The following SLC24A2 variants were observed in gnomAD, a reference collection of about 807,000 sequenced individuals.
SLC24A2 encodes solute carrier family 24 member 2, also known as sodium/potassium/calcium exchanger 2.
Under a neutral mutation model 62.0 loss-of-function variants are expected in SLC24A2, and 36 were observed. The ratio of observed to expected loss-of-function variants is 0.58; its 90% CI spans 0.44 to 0.77. The LOEUF (loss-of-function observed/expected upper bound fraction) is 0.77. Ranked by LOEUF, SLC24A2 falls within the 30% of genes least tolerant of loss-of-function variation. The pLI, the probability that SLC24A2 is intolerant of heterozygous loss-of-function variation, is 0.00. For missense variants in SLC24A2, 846 were observed against 817.9 expected, an observed-to-expected ratio of 1.03 and a Z score of -0.42; for synonymous variants, 358 against 294.0, an observed-to-expected ratio of 1.22 and a Z score of -2.23.
At chr9:20,169,256 A>G in the SLC24A2 span, among the ~76,000 whole-genome samples, 2 of 151,962 alleles carry the variant, frequency 1.3e-5, no homozygotes, top group African/African-American at 4.8e-5. Context: ...AGTTTGGAGT[A>G]TAGATTTAAG....
intron 2 of SLC24A2, among the ~76,000 whole-genome samples, chr9:19,703,232 T>C (rs1260962208): frequency 1.3e-5 from 2 of 152,202 alleles, no homozygotes; most frequent in Non-Finnish European, 2.9e-5. Context: ...GCAGTGCAGA[T>C]ACTGTATCCA....
At chr9:19,734,668 A>G (rs1292139728) in intron 2 of SLC24A2, among the ~76,000 whole-genome samples, 4 of 152,320 alleles carry the variant, frequency 2.6e-5, no homozygotes, top group South Asian at 4.1e-4. Context: ...GAGTTCACTC[A>G]TGATTTGGCT....
At chr9:19,968,786 A>T in the SLC24A2 span, among the ~76,000 whole-genome samples, 3 of 152,186 alleles carry the variant, frequency 2.0e-5, no homozygotes, top group Non-Finnish European at 4.4e-5. Context: ...ATTGCTCCAA[A>T]TGTGAAAATA....
chr9:20,104,208 C>A, the SLC24A2 span, among the ~76,000 whole-genome samples: 1 of 152,002 alleles, frequency 6.6e-6, no homozygotes, highest in South Asian at 2.1e-4. Flanking sequence ...GTGAAAAGAC[C>A]AAATCTACAT....
At chr9:19,998,091 G>A in the SLC24A2 span, among the ~76,000 whole-genome samples, 9 of 152,024 alleles carry the variant, frequency 5.9e-5, no homozygotes, top group African/African-American at 1.9e-4. Context: ...ACTCTGTGCC[G>A]GAAGCTGTGG....
the SLC24A2 span, among the ~76,000 whole-genome samples, chr9:20,110,974 T>C: frequency 6.6e-6 from 1 of 152,206 alleles, no homozygotes; most frequent in Non-Finnish European, 1.5e-5. Flanking sequence ...GTTTAAAAAA[T>C]AGCATCTTAT....
At chr9:19,966,043 T>C in the SLC24A2 span, among the ~76,000 whole-genome samples, 1 of 152,224 alleles carries the variant, frequency 6.6e-6, no homozygotes, top group Non-Finnish European at 1.5e-5. Context: ...ATTCCTCCTT[T>C]TGATTGGCTT....
chr9:19,833,551 G>A, the SLC24A2 span, among the ~76,000 whole-genome samples: 1 of 152,234 alleles, frequency 6.6e-6, no homozygotes, highest in Non-Finnish European at 1.5e-5. Context: ...CATTGCGCAG[G>A]CTTGAGGAGG....
intron 4 of SLC24A2, among the ~76,000 whole-genome samples, chr9:19,605,963 C>T (rs981211641): frequency 8.5e-5 from 13 of 152,344 alleles, no homozygotes; most frequent in African/African-American, 3.1e-4. Flanking sequence ...TCTGCTACTT[C>T]TCCCAAGAAT....
the SLC24A2 span, among the ~76,000 whole-genome samples, chr9:19,850,965 AT>A: frequency 2.0e-5 from 1 of 49,752 alleles, no homozygotes; most frequent in Non-Finnish European, 3.8e-5. Flanking sequence ...ATATATATAT[AT>A]GTATATATAT....
chr9:19,972,709 T>C, the SLC24A2 span, among the ~76,000 whole-genome samples: 3 of 152,352 alleles, frequency 2.0e-5, no homozygotes, highest in African/African-American at 7.2e-5. Context: ...TTAATTTTCC[T>C]GGTAATTCAT....
At chr9:20,014,480 G>C in the SLC24A2 span, among the ~76,000 whole-genome samples, 1 of 137,828 alleles carries the variant, frequency 7.3e-6, no homozygotes, top group Admixed American at 7.3e-5. Flanking sequence ...CAGATGAATG[G>C]ATAAAGAAAA....
At chr9:19,964,918 C>A in the SLC24A2 span, among the ~76,000 whole-genome samples, 2 of 152,152 alleles carry the variant, frequency 1.3e-5, no homozygotes, top group African/African-American at 4.8e-5. Flanking sequence ...CGAGACGGGA[C>A]ACGGTCCTTT....
At chr9:20,195,686 G>T in the SLC24A2 span, among the ~76,000 whole-genome samples, 1 of 151,940 alleles carries the variant, frequency 6.6e-6, no homozygotes, top group African/African-American at 2.4e-5. Flanking sequence ...CTAGCCCTTT[G>T]CTTCACAGTT....
rs547476668 is a variant in SLC24A2, at chr9:19,547,607, T to G, written c.1479+2530A>C. Among the ~76,000 whole-genome samples, 28 of 147,646 alleles carry G rather than the reference T, an allele frequency of 1.9e-4. 2 individuals are homozygous for G. The highest frequency in any genetic ancestry group is 7.2e-4 in the African/African-American group (27 of 37,260). ...TGAGAGTTCCTCCCAATTCTGAGAG[T>G]CAAGGGCCTTGACTTACTGGCATCT... On this transcript the variant is annotated intron_variant, in intron 8 of 10. Coordinates refer to ENST00000341998, the MANE Select transcript of SLC24A2 (RefSeq NM_020344.4).
chr9:20,087,763 T>G, the SLC24A2 span, among the ~76,000 whole-genome samples: 1 of 152,088 alleles, frequency 6.6e-6, no homozygotes, highest in Non-Finnish European at 1.5e-5. Context: ...AGTGAGTAAG[T>G]ACAACACCTT....
At chr9:19,809,679 C>T in the SLC24A2 span, among the ~76,000 whole-genome samples, 2 of 152,008 alleles carry the variant, frequency 1.3e-5, no homozygotes, top group East Asian at 3.9e-4. Flanking sequence ...GGGGAAAGTT[C>T]ATTTTCATAA....
the SLC24A2 span, among the ~76,000 whole-genome samples, chr9:20,202,346 T>A: frequency 2.0e-5 from 3 of 152,220 alleles, no homozygotes; most frequent in Non-Finnish European, 4.4e-5. Flanking sequence ...CGAAGTTGTG[T>A]GAAACTCCTT....
chr9:20,171,046 G>A, the SLC24A2 span, among the ~76,000 whole-genome samples: 12 of 151,942 alleles, frequency 7.9e-5, no homozygotes, highest in South Asian at 4.1e-4. Context: ...AAACTAGAAG[G>A]GATTGGGGCC....
Sources: allele counts gnomAD v4.1 joint callset (sites outside exome capture counted in the v4.1 genomes callset), GRCh38; gene constraint gnomAD v4.1.1; transcripts MANE v1.5; gene names NCBI Gene and HGNC (gene_info 2026-07-23, HGNC 2026-07-21).